Variants in CAMK2G observed in about 807,000 individuals in gnomAD.
The protein encoded by CAMK2G is calcium/calmodulin-dependent protein kinase type II subunit gamma.
CAMK2G carries 23 observed loss-of-function variants against 88.7 expected under a neutral mutation model. The ratio of observed to expected loss-of-function variants is 0.26; its 90% CI spans 0.19 to 0.37. The LOEUF is 0.37. Among genes scored for constraint, CAMK2G ranks in the 10% least tolerant of loss-of-function variants. The probability of loss-of-function intolerance (pLI) is 1.00; values close to 1 mark genes in which losing one functional copy is unlikely to be tolerated. For synonymous variants in CAMK2G, 263 were observed against 294.8 expected, an observed-to-expected ratio of 0.89 and a Z score of 1.11; for missense variants, 476 against 780.8, an observed-to-expected ratio of 0.61 and a Z score of 4.65.
chr10:73,870,346 G>T (rs1425223838), intron 2 of CAMK2G, among the ~76,000 whole-genome samples: 1 of 152,174 alleles, frequency 6.6e-6, no homozygotes, highest in East Asian at 1.9e-4. Flanking sequence ...GTGACTTTAT[G>T]TAGACAGGCC....
chr10:73,826,874 A>T (rs968854325), intron 15 of CAMK2G, among the ~76,000 whole-genome samples: 1 of 152,158 alleles, frequency 6.6e-6, no homozygotes, highest in Admixed American at 6.5e-5. Flanking sequence ...AGGGCTAGGC[A>T]TGGAACCTCA....
At chr10:73,856,514 G>A (rs2095051487) in intron 3 of CAMK2G, among the ~76,000 whole-genome samples, 1 of 152,172 alleles carries the variant, frequency 6.6e-6, no homozygotes. Context: ...GCCACCTGGA[G>A]CTGCCAGGCG....
At position 73,839,876 on chromosome 10, in the gene CAMK2G, G is replaced by A. The variant is rs909138282; in HGVS notation, c.947-275C>T. 6.6e-6 allele frequency among the ~76,000 whole-genome samples: 1 copy of A among 152,186 alleles called. No individual in the cohort carries two copies. Among genetic ancestry groups the A allele is most frequent in the Non-Finnish European group, 1.5e-5 (1 of 68,008 alleles). On this transcript the variant is annotated intron_variant, in intron 12 of 22. Coordinates refer to ENST00000423381, the MANE Select transcript of CAMK2G (RefSeq NM_001367534.1). The surrounding 1 kb of genome is among the most constrained non-coding windows in gnomAD (Gnocchi z 4.2). Reference sequence around the variant, plus strand: ...TGCCTGTCTCATGACCCCCTCCGGAGGAGGGTCCACAGCGAAATGCCTGAG... The same window carrying A: ...TGCCTGTCTCATGACCCCCTCCGGAAGAGGGTCCACAGCGAAATGCCTGAG...
chr10:73,853,360 G>A, intron 3 of CAMK2G, 114 bp from the exon 4 acceptor site: 1 of 906,962 alleles, frequency 1.1e-6, no homozygotes, highest in African/African-American at 1.7e-5. Flanking sequence ...GGGCTCTCCA[G>A]AAGGAGCAGT....
chr10:73,820,501 T>A (rs1180346404), intron 18 of CAMK2G, among the ~76,000 whole-genome samples: 11 of 125,524 alleles, frequency 8.8e-5, no homozygotes, highest in African/African-American at 3.3e-4. Context: ...TATTTTTTTT[T>A]TTTTTTTTTT....
chr10:73,824,039 C>A lies in CAMK2G; in HGVS notation c.1200+1G>T. 1.2e-6 allele frequency: 2 copies of A among 1,612,912 alleles called. No individual in the cohort carries two copies. The highest frequency in any genetic ancestry group is 2.2e-5 in the South Asian group (2 of 91,042). On this transcript the variant is annotated splice_donor_variant, in intron 17 of 22. Coordinates refer to ENST00000423381, the MANE Select transcript of CAMK2G (RefSeq NM_001367534.1). LOFTEE classifies it high-confidence loss of function. ...AGGAGGCAGGCTCAGGAGCCACTCA[C>A]CTTGATCCCATCTGTAGCGTTGTGT...
Position 73,863,171 on chromosome 10 carries a change from A to G in CAMK2G, c.161-2282T>C, listed in dbSNP as rs140241026. Among the ~76,000 whole-genome samples, 37 of 152,352 alleles carry G rather than the reference A, an allele frequency of 2.4e-4. No individual in the cohort carries two copies. In the East Asian group the frequency reaches 4.6e-3, roughly 19 times the overall value. ...AAGGAGGTGGGGACAGACAGAGATT[A>G]GTTCCTGCTGCCCAGCTAATCCGTC... On this transcript the variant is annotated intron_variant, in intron 2 of 22. Transcript: ENST00000423381.
At chr10:73,858,891 C>T (rs777126807) in intron 3 of CAMK2G, among the ~76,000 whole-genome samples, 11 of 152,230 alleles carry the variant, frequency 7.2e-5, no homozygotes, top group Non-Finnish European at 1.2e-4. Flanking sequence ...TACCCTGACC[C>T]GTCCGTGGCC....
chr10:73,830,366 G>A (rs188132832), intron 14 of CAMK2G, among the ~76,000 whole-genome samples: 80 of 152,168 alleles, frequency 5.3e-4, no homozygotes, highest in Middle Eastern at 6.8e-3. Flanking sequence ...CAACCTCCTG[G>A]GCTCAAGGGA....
At chr10:73,831,534 TAAAA>T (rs985986206) in intron 14 of CAMK2G, among the ~76,000 whole-genome samples, 2 of 54,612 alleles carry the variant, frequency 3.7e-5, no homozygotes, top group Non-Finnish European at 7.1e-5. Context: ...AGACTCCGTC[TAAAA>T]AAAAAAAAAA....
intron 10 of CAMK2G, among the ~76,000 whole-genome samples, chr10:73,844,821 A>T: frequency 6.6e-6 from 1 of 152,254 alleles, no homozygotes; most frequent in East Asian, 1.9e-4. Flanking sequence ...ACAGGGTTTC[A>T]TCTTTCTCTC....
At chr10:73,833,965 A>G (rs1234015527) in intron 14 of CAMK2G, among the ~76,000 whole-genome samples, 1 of 113,328 alleles carries the variant, frequency 8.8e-6, no homozygotes, top group Non-Finnish European at 1.6e-5. Flanking sequence ...GTCACCCAGG[A>G]TGGAGTGCAG....
intron 3 of CAMK2G, among the ~76,000 whole-genome samples, chr10:73,853,934 C>A (rs973333495): frequency 6.6e-6 from 1 of 152,286 alleles, no homozygotes; most frequent in Non-Finnish European, 1.5e-5. Flanking sequence ...AGAGTGCCTG[C>A]CTTTGAGGAG....
chr10:73,850,970 A>G (rs1208473025), intron 5 of CAMK2G, among the ~76,000 whole-genome samples: 7 of 152,170 alleles, frequency 4.6e-5, no homozygotes, highest in Non-Finnish European at 1.0e-4. Flanking sequence ...CCACTGGTAC[A>G]GTCACCCCCC....
chr10:73,825,255 G>T, intron 16 of CAMK2G, 24 bp downstream of exon 16: 1 of 1,574,444 alleles, frequency 6.4e-7, no homozygotes, highest in Non-Finnish European at 8.7e-7. Context: ...GGTCAGAGGC[G>T]GAGAAGCTGT....
chr10:73,817,611 G>C lies in CAMK2G; in HGVS notation c.1364-57C>G, dbSNP rs148234761. 2.5e-5 allele frequency: 30 copies of C among 1,188,378 alleles called. No individual in the cohort carries two copies. The African/African-American group carries it at 3.1e-4, about 12-fold the overall frequency. 73.6% of individuals were successfully genotyped at this position (1,188,378 alleles called of 1,614,324 possible). Reference sequence around the variant, plus strand: ...ACTGGGGAACCTCCCAAGTTACAGAGAGCCCTCCCCAGTCCTCAGGAGTCC... The same window carrying C: ...ACTGGGGAACCTCCCAAGTTACAGACAGCCCTCCCCAGTCCTCAGGAGTCC... On this transcript the variant is annotated intron_variant, in intron 19 of 22. Coordinates refer to ENST00000423381, the MANE Select transcript of CAMK2G (RefSeq NM_001367534.1).
chr10:73,835,588 G>T (rs532296578), intron 14 of CAMK2G, among the ~76,000 whole-genome samples: 1 of 150,434 alleles, frequency 6.6e-6, no homozygotes, highest in East Asian at 2.0e-4. Context: ...CACCGCACCC[G>T]GCTTGCCAAA....
chr10:73,824,683 C>T (rs1278470537), intron 16 of CAMK2G, among the ~76,000 whole-genome samples: 1 of 152,214 alleles, frequency 6.6e-6, no homozygotes, highest in Non-Finnish European at 1.5e-5. Flanking sequence ...TCCCTCTTTC[C>T]CAGTCACCCC....
chr10:73,820,904 C>T (rs2088337823), intron 18 of CAMK2G, among the ~76,000 whole-genome samples: 1 of 151,942 alleles, frequency 6.6e-6, no homozygotes, highest in Non-Finnish European at 1.5e-5. Flanking sequence ...GAACTTCTGA[C>T]CTTCAGGTGA....
Sources: allele counts gnomAD v4.1 joint callset (sites outside exome capture counted in the v4.1 genomes callset), GRCh38; gene constraint gnomAD v4.1.1; non-coding constraint Gnocchi (gnomAD v3.1); transcripts MANE v1.5; gene names NCBI Gene and HGNC (gene_info 2026-07-23, HGNC 2026-07-21).